IL1RAPL1: variants seen among roughly 807,000 people sequenced by gnomAD.
The protein encoded by IL1RAPL1 is interleukin 1 receptor accessory protein like 1.
Under a neutral mutation model 48.4 loss-of-function variants are expected in IL1RAPL1, and 3 were observed. The observed-to-expected ratio is 0.06, with a 90% CI of 0.03 to 0.16. The LOEUF (loss-of-function observed/expected upper bound fraction) is 0.16, where lower values mean the gene tolerates loss of function less well. IL1RAPL1 is among the 10% of genes least tolerant of loss of function. IL1RAPL1 has a pLI of 1.00. For missense variants in IL1RAPL1, 349 were observed against 530.6 expected (o/e 0.66, Z 3.36); for synonymous variants, 185 against 187.7 (o/e 0.99, Z 0.12).
chrX:29,052,456 T>C (rs763646925), intron 2 of IL1RAPL1, among the ~76,000 whole-genome samples: 1 of 111,451 alleles, frequency 9.0e-6, no homozygotes, highest in Non-Finnish European at 1.9e-5. Flanking sequence ...AGGTATACAA[T>C]ACATTATTAC....
At chrX:29,529,711 T>C (rs1178986327) in intron 5 of IL1RAPL1, among the ~76,000 whole-genome samples, 1 of 110,914 alleles carries the variant, frequency 9.0e-6, no homozygotes, top group African/African-American at 3.3e-5. Context: ...GAATATCTTT[T>C]GTTCTTAGGA....
chrX:29,814,697 A>T (rs1193886829), intron 6 of IL1RAPL1, among the ~76,000 whole-genome samples: 2 of 111,204 alleles, frequency 1.8e-5, no homozygotes, highest in African/African-American at 6.5e-5. Context: ...TTCTTCTGGG[A>T]CTCTAATGGT....
intron 1 of IL1RAPL1, among the ~76,000 whole-genome samples, chrX:28,648,973 A>G (rs1160039184): frequency 2.7e-5 from 3 of 111,804 alleles, no homozygotes; most frequent in Non-Finnish European, 5.6e-5. Flanking sequence ...TGTAAAGCAT[A>G]TAGAACAGTG....
At chrX:29,415,694 C>CT (rs1383188284) in intron 5 of IL1RAPL1, among the ~76,000 whole-genome samples, 1 of 112,347 alleles carries the variant, frequency 8.9e-6, no homozygotes, top group East Asian at 2.8e-4. Context: ...GCTGGGATTA[C>CT]AGGCGTGAAC....
Position 29,074,198 on chromosome X carries a change from C to A in IL1RAPL1, c.83-208740C>A, listed in dbSNP as rs756854273. ...GCTAAATAATGAATTGAACACAAGG[C>A]CCTAATCATCATACTGCTCTACTTC... On this transcript the variant is annotated intron_variant, in intron 2 of 10. Transcript: ENST00000378993. 4.5e-5 allele frequency among the ~76,000 whole-genome samples: 5 copies of A among 111,574 alleles called. No homozygotes were observed. The East Asian group carries it at 1.4e-3, about 32-fold the overall frequency.
intron 5 of IL1RAPL1, among the ~76,000 whole-genome samples, chrX:29,448,342 G>C (rs920939602): frequency 9.0e-6 from 1 of 111,575 alleles, no homozygotes; most frequent in African/African-American, 3.3e-5. Context: ...GTACGAAAAT[G>C]TTTTAGACCT....
chrX:28,984,847 C>T (rs1390374864), intron 2 of IL1RAPL1, among the ~76,000 whole-genome samples: 1 of 111,451 alleles, frequency 9.0e-6, no homozygotes, highest in Admixed American at 9.5e-5. Flanking sequence ...CTTTTTTCAT[C>T]CTCTAGGCAA....
chrX:29,025,862 A>G (rs989487989), intron 2 of IL1RAPL1, among the ~76,000 whole-genome samples: 10 of 111,450 alleles, frequency 9.0e-5, no homozygotes, highest in African/African-American at 3.3e-4. Flanking sequence ...CTTTACAGAG[A>G]TGCTTATTTT....
At chrX:29,031,491 T>C (rs1459039967) in intron 2 of IL1RAPL1, among the ~76,000 whole-genome samples, 1 of 111,886 alleles carries the variant, frequency 8.9e-6, no homozygotes, top group Non-Finnish European at 1.9e-5. Context: ...GTGGATTAGT[T>C]AGGCTTTTAG....
intron 2 of IL1RAPL1, among the ~76,000 whole-genome samples, chrX:29,135,723 A>T (rs1393490070): frequency 9.0e-6 from 1 of 111,480 alleles, no homozygotes; most frequent in Non-Finnish European, 1.9e-5. Flanking sequence ...TGTGGTTCTT[A>T]GTAGAGAATT....
chrX:28,833,966 A>G (rs1345155134), intron 2 of IL1RAPL1, among the ~76,000 whole-genome samples: 4 of 112,428 alleles, frequency 3.6e-5, no homozygotes, highest in East Asian at 5.6e-4. Context: ...TCTGAAAAGT[A>G]CAGCATGTAT....
In IL1RAPL1 at chrX:28,782,278, CA is replaced by C. The variant is rs769552247; in HGVS notation, c.-24-7041del. ...ATTTATATTTTTATGTTCTAAAAAACACAATAAATATTCCATTTGAATTTTG... is the reference window on the plus strand; with the variant it reads ...ATTTATATTTTTATGTTCTAAAAAACCAATAAATATTCCATTTGAATTTTG... On this transcript the variant is annotated intron_variant, in intron 1 of 10. Coordinates refer to ENST00000378993, the MANE Select transcript of IL1RAPL1 (RefSeq NM_014271.4). Among the ~76,000 whole-genome samples the C allele has an allele frequency of 3.2e-3, 353 of 111,666 alleles. 2 individuals carry two copies. The highest frequency in any genetic ancestry group is 0.011 in the African/African-American group (339 of 30,899).
intron 6 of IL1RAPL1, among the ~76,000 whole-genome samples, chrX:29,786,026 G>A (rs1004683812): frequency 3.7e-4 from 36 of 97,763 alleles, no homozygotes; most frequent in African/African-American, 1.2e-3. Context: ...AAAGGCGGGC[G>A]GGGGGGTGGG....
intron 6 of IL1RAPL1, among the ~76,000 whole-genome samples, chrX:29,678,844 A>G (rs1399556412): frequency 9.0e-6 from 1 of 111,381 alleles, no homozygotes; most frequent in Non-Finnish European, 1.9e-5. Context: ...TGGTCTTGTG[A>G]GAAGATACCT....
At chrX:28,748,456 T>C (rs1034210454) in intron 1 of IL1RAPL1, among the ~76,000 whole-genome samples, 20 of 111,856 alleles carry the variant, frequency 1.8e-4, no homozygotes, top group Non-Finnish European at 3.8e-4. Context: ...TGTGGGTATA[T>C]GGTGAAGGAG....
intron 1 of IL1RAPL1, among the ~76,000 whole-genome samples, chrX:28,728,157 A>G (rs763592623): frequency 8.9e-6 from 1 of 111,743 alleles, no homozygotes; most frequent in East Asian, 2.8e-4. Flanking sequence ...TTATATCAGA[A>G]TTATATTTTC....
At chrX:29,357,204 C>T (rs1276535437) in intron 3 of IL1RAPL1, among the ~76,000 whole-genome samples, 1 of 112,043 alleles carries the variant, frequency 8.9e-6, no homozygotes, top group African/African-American at 3.2e-5. Flanking sequence ...TTGCTCATAG[C>T]AAATTATATT....
At chrX:28,987,832 T>C (rs1373422267) in intron 2 of IL1RAPL1, among the ~76,000 whole-genome samples, 1 of 112,167 alleles carries the variant, frequency 8.9e-6, no homozygotes, top group Non-Finnish European at 1.9e-5. Context: ...TGTGTGTGTA[T>C]CAGGATAAGT....
chrX:29,661,574 A>G (rs1178797130), intron 5 of IL1RAPL1, among the ~76,000 whole-genome samples: 1 of 112,332 alleles, frequency 8.9e-6, no homozygotes, highest in African/African-American at 3.2e-5. Flanking sequence ...ACTGCCTTAC[A>G]TTTTTGAAAT....
Sources: gnomAD v4.1 joint callset for allele counts (sites outside exome capture counted in the v4.1 genomes callset) on GRCh38, gnomAD v4.1.1 for gene constraint, MANE v1.5 for transcripts, NCBI Gene and HGNC (gene_info 2026-07-23, HGNC 2026-07-21) for gene names.